Variants in PPIG observed in about 807,000 individuals in gnomAD.
PPIG encodes the protein peptidylprolyl isomerase G, also known as peptidyl-prolyl cis-trans isomerase G.
In PPIG, 26 loss-of-function variants were observed where a neutral mutation model predicts 87.9. That is an observed-to-expected ratio of 0.30 (90% CI 0.22 to 0.41). The LOEUF (loss-of-function observed/expected upper bound fraction) is 0.41, where lower values mean the gene tolerates loss of function less well. Among genes scored for constraint, PPIG ranks in the 10% least tolerant of loss-of-function variants. The probability of loss-of-function intolerance (pLI) is 1.00; values close to 1 mark genes in which losing one functional copy is unlikely to be tolerated. For synonymous variants in PPIG, 308 were observed against 276.5 expected (o/e 1.11, Z -1.13); for missense variants, 722 against 879.4 (o/e 0.82, Z 2.26).
At chr2:169,611,204 A>G (rs747576494) in intron 7 of PPIG, among the ~76,000 whole-genome samples, 1 of 152,214 alleles carries the variant, frequency 6.6e-6, no homozygotes, top group Non-Finnish European at 1.5e-5. Context: ...ACAAACAAAT[A>G]AAACAACTTA....
chr2:169,596,628 G>A (rs141016819), intron 1 of PPIG, among the ~76,000 whole-genome samples: 2 of 152,230 alleles, frequency 1.3e-5, no homozygotes, highest in Non-Finnish European at 2.9e-5. Context: ...AAGGCTCCAG[G>A]AGTCACCTAA....
intron 1 of PPIG, among the ~76,000 whole-genome samples, chr2:169,600,405 A>T (rs115818419): frequency 0.012 from 1,834 of 152,280 alleles, 51 homozygotes; most frequent in African/African-American, 0.042. Flanking sequence ...AAACAGCAGC[A>T]CTAGTTGAGT....
intron 9 of PPIG, among the ~76,000 whole-genome samples, chr2:169,621,282 G>T (rs868824268): frequency 6.6e-6 from 1 of 151,586 alleles, no homozygotes; most frequent in Non-Finnish European, 1.5e-5. Context: ...AAGGCAAAAT[G>T]ATTATTTAAA....
intron 4 of PPIG, 66 bp downstream of exon 4, chr2:169,604,327 G>GTTTTTTTTTTTT: frequency 5.8e-6 from 2 of 344,820 alleles, no homozygotes; most frequent in African/African-American, 5.0e-5. Context: ...TGCTTGCTTG[G>GTTTTTTTTTTTT]TTTTTTTTTT....
chr2:169,592,049 C>T (rs2105472765), intron 1 of PPIG, among the ~76,000 whole-genome samples: 1 of 150,094 alleles, frequency 6.7e-6, no homozygotes, highest in East Asian at 2.0e-4. Flanking sequence ...ACCGCAGCCT[C>T]CCAAGTAGCT....
At chr2:169,592,508 G>T (rs575855134) in intron 1 of PPIG, among the ~76,000 whole-genome samples, 3 of 152,134 alleles carry the variant, frequency 2.0e-5, no homozygotes, top group Admixed American at 2.0e-4. Flanking sequence ...GTTTCACCAT[G>T]TTAGCCAGGA....
At chr2:169,610,174 T>C (rs909957211) in intron 7 of PPIG, among the ~76,000 whole-genome samples, 1 of 152,210 alleles carries the variant, frequency 6.6e-6, no homozygotes, top group African/African-American at 2.4e-5. Context: ...TATTCTGTAT[T>C]TGTTAACTGT....
intron 1 of PPIG, among the ~76,000 whole-genome samples, chr2:169,597,123 T>G (rs1325999370): frequency 6.6e-6 from 1 of 152,182 alleles, no homozygotes; most frequent in Non-Finnish European, 1.5e-5. Context: ...ATGATTTCCT[T>G]TCTTTTGAGT....
At chr2:169,621,568 T>C (rs1229153612) in intron 9 of PPIG, among the ~76,000 whole-genome samples, 1 of 152,052 alleles carries the variant, frequency 6.6e-6, no homozygotes, top group Admixed American at 6.6e-5. Flanking sequence ...TAAAAAATAC[T>C]AAAAATAAAA....
At chr2:169,606,222 T>C (rs1685320337) in intron 5 of PPIG, 76 bp downstream of exon 5, 1 of 1,040,008 alleles carries the variant, frequency 9.6e-7, no homozygotes, top group South Asian at 1.3e-5. Context: ...CCCTAGAAGT[T>C]TTAGTCCAAT....
chr2:169,637,260 AGTC>A lies in PPIG; in HGVS notation c.2005_2007del (p.Arg669del), dbSNP rs945935428. 8.1e-6 allele frequency: 13 copies of A among 1,612,872 alleles called. No individual in the cohort carries two copies. The highest frequency in any genetic ancestry group is 1.1e-5 in the Non-Finnish European group (13 of 1,179,786). On this transcript the variant is annotated inframe_deletion, in exon 14 of 14. Coordinates refer to ENST00000260970, the MANE Select transcript of PPIG (RefSeq NM_004792.3). ...GAGTGAGAAAAGAATGTACTCTAAA[AGTC>A]GTGATCATAATAGCTCAAATAACAG...
intron 1 of PPIG, chr2:169,584,866 G>A (rs1243092190): frequency 1.5e-5 from 4 of 274,134 alleles, no homozygotes; most frequent in South Asian, 3.1e-5. Context: ...GATTTTTAAA[G>A]CTTCAAAATC....
intron 4 of PPIG, among the ~76,000 whole-genome samples, chr2:169,604,815 G>T (rs369305743): frequency 2.6e-5 from 4 of 151,612 alleles, no homozygotes; most frequent in African/African-American, 9.7e-5. Context: ...CAGAGGTTGC[G>T]GTGAGCCGAG....
At chr2:169,610,725 C>T (rs199844751) in intron 7 of PPIG, among the ~76,000 whole-genome samples, 4 of 152,186 alleles carry the variant, frequency 2.6e-5, no homozygotes, top group East Asian at 3.9e-4. Flanking sequence ...TTTCTTACAC[C>T]GTAGATGGCA....
At chr2:169,631,056 TG>T (rs1336265725) in intron 10 of PPIG, 69 bp downstream of exon 10, 28 of 1,370,582 alleles carry the variant, frequency 2.0e-5, no homozygotes, top group Non-Finnish European at 2.5e-5. Flanking sequence ...GTTAGGATTT[TG>T]GGTCAATTAT....
At chr2:169,593,876 C>T (rs569773991) in intron 1 of PPIG, among the ~76,000 whole-genome samples, 3 of 149,900 alleles carry the variant, frequency 2.0e-5, no homozygotes, top group South Asian at 2.1e-4. Context: ...AGGATGATCT[C>T]GATCTCCTGA....
intron 9 of PPIG, among the ~76,000 whole-genome samples, chr2:169,618,285 G>A (rs1444452731): frequency 6.6e-6 from 1 of 152,190 alleles, no homozygotes; most frequent in Non-Finnish European, 1.5e-5. Flanking sequence ...TCCCATCAAT[G>A]TTCATCAGGG....
At chr2:169,631,682 A>G in intron 10 of PPIG, 84 bp from the exon 11 acceptor site, 1 of 1,593,466 alleles carries the variant, frequency 6.3e-7, no homozygotes, top group Non-Finnish European at 8.5e-7. Context: ...AGTGATATAA[A>G]GGAAAGAAAT....
chr2:169,604,330 T>TG, intron 4 of PPIG, 69 bp downstream of exon 4: 1 of 217,546 alleles, frequency 4.6e-6, no homozygotes, highest in South Asian at 7.7e-5. Context: ...TTGCTTGGTT[T>TG]TTTTTTTTTT....
Sources: gnomAD v4.1 joint callset for allele counts (sites outside exome capture counted in the v4.1 genomes callset) on GRCh38, gnomAD v4.1.1 for gene constraint, MANE v1.5 for transcripts, NCBI Gene and HGNC (gene_info 2026-07-23, HGNC 2026-07-21) for gene names.